The following MCTP1 variants were observed in gnomAD, a reference collection of about 807,000 sequenced individuals.
The protein encoded by MCTP1 is multiple C2 and transmembrane domain-containing protein 1.
A neutral mutation model predicts 120.6 loss-of-function variants in MCTP1; 69 were observed. The ratio of observed to expected loss-of-function variants is 0.57; its 90% CI spans 0.47 to 0.70. MCTP1 has a LOEUF of 0.70. Among genes scored for constraint, MCTP1 ranks in the 30% least tolerant of loss-of-function variants. The pLI is 0.00. For missense variants in MCTP1, 1,203 were observed against 1,248.8 expected, an observed-to-expected ratio of 0.96 and a Z score of 0.55; for synonymous variants, 529 against 493.1, an observed-to-expected ratio of 1.07 and a Z score of -0.96.
At chr5:95,133,989 A>G (rs913576439) in intron 1 of MCTP1, among the ~76,000 whole-genome samples, 2 of 152,092 alleles carry the variant, frequency 1.3e-5, no homozygotes, top group African/African-American at 4.8e-5. Flanking sequence ...ACCAAAGCTG[A>G]CCTCCTTATC....
intron 1 of MCTP1, among the ~76,000 whole-genome samples, chr5:95,258,349 A>T (rs763520955): frequency 2.0e-5 from 3 of 152,210 alleles, no homozygotes; most frequent in Non-Finnish European, 4.4e-5. Flanking sequence ...ATCGTGAGAA[A>T]AACATCAGAT....
rs74823458 is a variant in MCTP1 at position 94,710,762 on chromosome 5, A to G, written c.2830+56T>C. On this transcript the variant is annotated intron_variant, in intron 21 of 22. Transcript: ENST00000515393. ...TGACAGTGTAACTCATCTCTTAAAC[A>G]TAGTTTGTTCTTAGCAGCTAAGACA... is the stretch of plus-strand genomic sequence containing the variant. 3.9e-4 allele frequency: 434 copies of G among 1,112,934 alleles called. 2 individuals carry two copies. The African/African-American group carries it at 6.0e-3, about 15-fold the overall frequency. 68.9% of individuals were successfully genotyped at this position (1,112,934 alleles called of 1,614,324 possible).
intron 1 of MCTP1, among the ~76,000 whole-genome samples, chr5:95,257,688 G>A (rs1758029775): frequency 1.3e-5 from 2 of 152,094 alleles, no homozygotes; most frequent in South Asian, 2.1e-4. Flanking sequence ...AAGAAAACAG[G>A]AATCCTTGAA....
intron 19 of MCTP1, among the ~76,000 whole-genome samples, chr5:94,753,341 C>T (rs1021812898): frequency 6.6e-6 from 1 of 152,174 alleles, no homozygotes; most frequent in African/African-American, 2.4e-5. Context: ...TGCACAAACC[C>T]CCTAAAAATT....
intron 17 of MCTP1, among the ~76,000 whole-genome samples, chr5:94,799,755 G>A (rs943814275): frequency 6.6e-6 from 1 of 152,112 alleles, no homozygotes; most frequent in Non-Finnish European, 1.5e-5. Context: ...ATGCCTATTT[G>A]TATTGTTCTT....
chr5:95,093,446 G>A (rs1175545811), intron 1 of MCTP1, among the ~76,000 whole-genome samples: 3 of 151,998 alleles, frequency 2.0e-5, no homozygotes, highest in African/African-American at 4.8e-5. Flanking sequence ...TAGGTATGTC[G>A]GGGGAGGGGG....
chr5:94,911,080 C>T (rs1438479435), intron 9 of MCTP1, among the ~76,000 whole-genome samples: 1 of 152,176 alleles, frequency 6.6e-6, no homozygotes, highest in African/African-American at 2.4e-5. Context: ...TCACTGCCTG[C>T]TAATGATGGG....
chr5:94,862,212 T>C (rs1298058165), intron 17 of MCTP1, among the ~76,000 whole-genome samples: 5 of 151,826 alleles, frequency 3.3e-5, no homozygotes, highest in Admixed American at 3.3e-4. Flanking sequence ...GCAGCGATCA[T>C]AGGAAACATG....
At chr5:95,046,773 A>T (rs975395083) in intron 1 of MCTP1, among the ~76,000 whole-genome samples, 1 of 152,088 alleles carries the variant, frequency 6.6e-6, no homozygotes, top group African/African-American at 2.4e-5. Context: ...TACTTGTCTG[A>T]CTGTATTTTA....
At chr5:95,219,270 T>A (rs1023645017) in intron 1 of MCTP1, among the ~76,000 whole-genome samples, 4 of 150,898 alleles carry the variant, frequency 2.7e-5, no homozygotes, top group Admixed American at 6.6e-5. Flanking sequence ...TAGTCCCAGC[T>A]ACTCAGGAGG....
intron 1 of MCTP1, among the ~76,000 whole-genome samples, chr5:95,127,156 A>G (rs1035972485): frequency 1.3e-5 from 2 of 152,202 alleles, no homozygotes; most frequent in East Asian, 3.8e-4. Flanking sequence ...TTGGATGACA[A>G]ATAAAATATT....
In MCTP1 at chr5:94,807,117, G is replaced by A. The variant is rs1434279767; in HGVS notation, c.2437-7985C>T. 8.5e-5 allele frequency among the ~76,000 whole-genome samples: 13 copies of A among 152,142 alleles called. 1 individual carries two copies. Among genetic ancestry groups the A allele is most frequent in the Admixed American group, 8.5e-4 (13 of 15,282 alleles). On this transcript the variant is annotated intron_variant, in intron 17 of 22. Transcript: ENST00000515393. Reference sequence around the variant, plus strand: ...ATATCTGTTTCAGAAAAAACAGAATGAAGAAATGTGCCAAAAGTGCGTATA... The same window carrying A: ...ATATCTGTTTCAGAAAAAACAGAATAAAGAAATGTGCCAAAAGTGCGTATA...
At chr5:95,058,392 A>C (rs2152073703) in intron 1 of MCTP1, among the ~76,000 whole-genome samples, 1 of 152,342 alleles carries the variant, frequency 6.6e-6, no homozygotes, top group South Asian at 2.1e-4. Context: ...ATTATGAGGA[A>C]GAATTCTAAT....
At chr5:94,847,680 G>A (rs36723) in intron 17 of MCTP1, among the ~76,000 whole-genome samples, 11,161 of 107,146 alleles carry the variant, frequency 0.1, 475 homozygotes, top group Non-Finnish European at 0.13. Context: ...GTGTGTGTGT[G>A]TGTATATATA....
At chr5:95,030,106 C>G (rs1465241224) in intron 1 of MCTP1, among the ~76,000 whole-genome samples, 2 of 152,190 alleles carry the variant, frequency 1.3e-5, no homozygotes, top group Non-Finnish European at 2.9e-5. Flanking sequence ...TGGCCTGTAC[C>G]TGCACTGCAG....
intron 1 of MCTP1, among the ~76,000 whole-genome samples, chr5:95,034,719 C>G (rs1840934003): frequency 6.6e-6 from 1 of 151,822 alleles, no homozygotes; most frequent in African/African-American, 2.4e-5. Flanking sequence ...CAAAAATAGA[C>G]AAATGGGACT....
intron 2 of MCTP1, among the ~76,000 whole-genome samples, chr5:94,982,313 T>C (rs1829579331): frequency 1.3e-5 from 2 of 152,176 alleles, no homozygotes; most frequent in African/African-American, 4.8e-5. Context: ...TTGTTTATCT[T>C]GGTACTGATA....
chr5:94,871,034 G>A (rs566458785), intron 14 of MCTP1, 61 bp from the exon 15 acceptor site: 33 of 1,352,110 alleles, frequency 2.4e-5, no homozygotes, highest in Non-Finnish European at 3.4e-5. Context: ...CACTCCCTCA[G>A]TGACCTTTGA....
intron 19 of MCTP1, among the ~76,000 whole-genome samples, chr5:94,769,116 T>A (rs1352012915): frequency 6.6e-6 from 1 of 152,190 alleles, no homozygotes; most frequent in Non-Finnish European, 1.5e-5. Context: ...GGTCCTTATG[T>A]TAAATGAAAT....
Sources: allele counts gnomAD v4.1 joint callset (sites outside exome capture counted in the v4.1 genomes callset), GRCh38; gene constraint gnomAD v4.1.1; transcripts MANE v1.5; gene names NCBI Gene and HGNC (gene_info 2026-07-23, HGNC 2026-07-21).